The following HERC1 variants were observed in gnomAD, a reference collection of about 807,000 sequenced individuals.
HERC1 encodes HECT and RLD domain containing E3 ubiquitin protein ligase family member 1, also known as probable E3 ubiquitin-protein ligase HERC1.
A neutral mutation model predicts 554.3 loss-of-function variants in HERC1; 160 were observed. That is an observed-to-expected ratio of 0.29 (90% CI 0.25 to 0.33). The LOEUF (loss-of-function observed/expected upper bound fraction) is 0.33. Ranked by LOEUF, HERC1 falls within the 10% of genes least tolerant of loss-of-function variation. HERC1 has a pLI of 1.00. For synonymous variants in HERC1, 2,175 were observed against 2,131.7 expected, an observed-to-expected ratio of 1.02 and a Z score of -0.56; for missense variants, 4,919 against 5,918.5, an observed-to-expected ratio of 0.83 and a Z score of 5.54.
At chr15:63,796,387 CTT>C (rs779893252) in intron 1 of HERC1, among the ~76,000 whole-genome samples, 7 of 152,170 alleles carry the variant, frequency 4.6e-5, no homozygotes, top group Non-Finnish European at 8.8e-5. Flanking sequence ...TAAATTAAAA[CTT>C]AAACTCACAA....
chr15:63,617,155 C>A (rs915610139), intron 74 of HERC1, among the ~76,000 whole-genome samples: 3 of 152,160 alleles, frequency 2.0e-5, no homozygotes, highest in African/African-American at 7.2e-5. Flanking sequence ...TGCTATCCCT[C>A]CCCGCTCCCC....
chr15:63,830,459 A>T (rs935565925), intron 1 of HERC1, among the ~76,000 whole-genome samples: 1 of 152,200 alleles, frequency 6.6e-6, no homozygotes, highest in African/African-American at 2.4e-5. Flanking sequence ...ACTGTCAGAG[A>T]TTGGAGGAAA....
Position 63,658,585 on chromosome 15 carries a change from G to C in HERC1, c.9558C>G (p.Ala3186=), listed in dbSNP as rs2070178743. ...ACAGCGCTCTCATGACCATGGTTCT[G>C]GCCAGAAGAACCTGAGCAGCAGCAG... ...RVTAAAQVLL[A]RTMVMRALSL... The change falls in exon 48 of 78, where the codon GCC becomes GCG. Residue 3186 remains alanine (A), a synonymous_variant. Transcript: ENST00000443617. The C allele has an allele frequency of 1.9e-6, 3 of 1,613,688 alleles. No individual in the cohort carries two copies. Among genetic ancestry groups the C allele is most frequent in the South Asian group, 1.1e-5 (1 of 91,048 alleles).
rs1566934536 is a variant in HERC1, at chr15:63,609,105, G to A, written c.14562C>T (p.Ala4854=). 6 of 1,613,664 alleles carry A rather than the reference G, an allele frequency of 3.7e-6. No individual in the cohort carries two copies. The highest frequency in any genetic ancestry group is 2.2e-5 in the East Asian group (1 of 44,894). ...GTCAGTAGTCAGTGTCGGAGCCCTC[G>A]GCGTTGTCCACGTTTCTCGAGAGCA... is the stretch of plus-strand genomic sequence containing the variant. ...NYMLSRNVDN[A]EGSDTDY The change falls in exon 78 of 78, where the codon GCC becomes GCT. Residue 4854 remains alanine (A), a synonymous_variant. Transcript: ENST00000443617.
At chr15:63,648,282 T>C (rs552499129) in intron 54 of HERC1, 83 bp from the exon 55 acceptor site, 208 of 1,318,938 alleles carry the variant, frequency 1.6e-4, no homozygotes, top group African/African-American at 1.2e-3. Context: ...TTGAAACAAA[T>C]AATGATAATG....
chr15:63,628,872 C>A, intron 69 of HERC1, 57 bp from the exon 70 acceptor site: 3 of 1,546,242 alleles, frequency 1.9e-6, no homozygotes, highest in South Asian at 2.4e-5. Context: ...GAGAGGAAGT[C>A]AATATGAAAT....
intron 8 of HERC1, among the ~76,000 whole-genome samples, chr15:63,751,636 G>A (rs930340394): frequency 6.6e-6 from 1 of 152,008 alleles, no homozygotes; most frequent in African/African-American, 2.4e-5. Flanking sequence ...ACAGACTGAG[G>A]GAAAAGCAAA....
intron 12 of HERC1, among the ~76,000 whole-genome samples, chr15:63,736,190 T>C (rs892799841): frequency 2.6e-5 from 4 of 152,152 alleles, no homozygotes; most frequent in African/African-American, 9.7e-5. Context: ...AACACTTTGA[T>C]TTGTACTGTA....
chr15:63,754,554 A>C lies in HERC1; in HGVS notation c.1725T>G (p.Ala575=), dbSNP rs966208509. 1.9e-6 allele frequency: 3 copies of C among 1,613,540 alleles called. No homozygotes were observed. In the African/African-American group the frequency reaches 4.0e-5, roughly 22 times the overall value. ...EVSCGSSHTI[A]LSKDGRTVWS... ...ATACAGTTCTCCCATCTTTAGACAGAGCAATAGTATGTGAACTGCCACAAG... is the reference window on the plus strand; with the variant it reads ...ATACAGTTCTCCCATCTTTAGACAGCGCAATAGTATGTGAACTGCCACAAG... The change falls in exon 7 of 78, where the codon GCT becomes GCG. Residue 575 remains alanine, a synonymous_variant. Transcript: ENST00000443617.
At chr15:63,661,488 G>A (rs989939699) in intron 45 of HERC1, among the ~76,000 whole-genome samples, 2 of 152,156 alleles carry the variant, frequency 1.3e-5, no homozygotes, top group Non-Finnish European at 2.9e-5. Flanking sequence ...AGCCTCCTGA[G>A]GGTTAAGGCA....
chr15:63,745,218 C>T (rs533933881), intron 12 of HERC1, among the ~76,000 whole-genome samples: 15 of 152,148 alleles, frequency 9.9e-5, no homozygotes, highest in South Asian at 2.1e-4. Flanking sequence ...GCATTGGGGT[C>T]GGGGAGGCGG....
chr15:63,750,295 G>A (rs1169698443), intron 8 of HERC1, among the ~76,000 whole-genome samples: 1 of 152,156 alleles, frequency 6.6e-6, no homozygotes, highest in Non-Finnish European at 1.5e-5. Context: ...AGGGCCATGT[G>A]AAGCAGTAAC....
In HERC1 at chr15:63,632,780, T is replaced by A; in HGVS notation, c.12725A>T (p.Lys4242Ile). Reference sequence around the variant, plus strand: ...AAACTGAGTTCCACAAGCAACCTTTTTTATTCCAATTCCACAAAGGACGTC... The same window carrying A: ...AAACTGAGTTCCACAAGCAACCTTTATTATTCCAATTCCACAAAGGACGTC... ...KIDVLCGIGI[K>I]KVACGTQFSV... Residue 4242 changes from lysine to isoleucine, a missense_variant, in exon 68 of 78, where the codon AAA becomes ATA. Physicochemically the swap from Lys to Ile is moderately radical, Grantham distance 102. This residue lies in a region of HERC1 where 410 missense variants were observed against 467.0 expected (regional missense o/e 0.88). Coordinates refer to ENST00000443617, the MANE Select transcript of HERC1 (RefSeq NM_003922.4). The A allele has an allele frequency of 6.4e-7, 1 of 1,568,222 alleles. No individual in the cohort carries two copies. Among genetic ancestry groups the A allele is most frequent in the Non-Finnish European group, 8.7e-7 (1 of 1,154,746 alleles).
At position 63,628,791 on chromosome 15, in the gene HERC1, C is replaced by T. The variant is rs771112313; in HGVS notation, c.12991G>A (p.Val4331Ile). 1 of 1,613,924 alleles carries T rather than the reference C, an allele frequency of 6.2e-7. No homozygotes were observed. The highest frequency in any genetic ancestry group is 8.5e-7 in the Non-Finnish European group (1 of 1,179,854). Residue 4331 changes from valine to isoleucine, a missense_variant, in exon 70 of 78, where the codon GTT (valine) becomes ATT (isoleucine). Physicochemically the swap from Val to Ile is conservative, Grantham distance 29. Transcript: ENST00000443617. ...CCTGTTACCAGGGTTGGTTCTCGAA[C>T]ATGGTTGGTATGGCCTAAGCCGAGC... ...GQLGLGHTNH[V>I]REPTLVTGLQ...
At position 63,734,249 on chromosome 15, in the gene HERC1, A is replaced by G. The variant is rs1286650142; in HGVS notation, c.2646+475T>C. Among the ~76,000 whole-genome samples the G allele has an allele frequency of 1.3e-5, 2 of 152,182 alleles. No homozygotes were observed. Among genetic ancestry groups the G allele is most frequent in the Non-Finnish European group, 2.9e-5 (2 of 68,024 alleles). ...ACCAATTTTTTTTCCTCAAATCTGTATCTCTGAATCTGATAACTTCTACTT... is the reference window on the plus strand; with the variant it reads ...ACCAATTTTTTTTCCTCAAATCTGTGTCTCTGAATCTGATAACTTCTACTT... On this transcript the variant is annotated intron_variant, in intron 13 of 77. Coordinates refer to ENST00000443617, the MANE Select transcript of HERC1 (RefSeq NM_003922.4). The surrounding 1 kb of genome is among the most constrained non-coding windows in gnomAD (Gnocchi z 4.6).
chr15:63,647,231 G>A (rs139256681), intron 55 of HERC1, among the ~76,000 whole-genome samples: 213 of 151,500 alleles, frequency 1.4e-3, no homozygotes, highest in African/African-American at 4.8e-3. Context: ...TCCAGCCTGG[G>A]CGAAAAAGCT....
intron 17 of HERC1, among the ~76,000 whole-genome samples, chr15:63,726,225 G>A (rs2074035131): frequency 6.6e-6 from 1 of 152,042 alleles, no homozygotes; most frequent in Non-Finnish European, 1.5e-5. Context: ...CAGGTGATCC[G>A]GCGGCCTCAG....
chr15:63,767,955 T>C (rs578028291), intron 2 of HERC1, among the ~76,000 whole-genome samples: 6 of 152,150 alleles, frequency 3.9e-5, no homozygotes, highest in African/African-American at 7.2e-5. Flanking sequence ...CCAAGATCTT[T>C]ATAAATTTAC....
At chr15:63,645,198 TA>T in intron 56 of HERC1, 101 bp from the exon 57 acceptor site, 1 of 898,004 alleles carries the variant, frequency 1.1e-6, no homozygotes, top group Non-Finnish European at 1.8e-6. Flanking sequence ...ACCACTGCAT[TA>T]TTTTTTAAAC....
Sources: allele counts gnomAD v4.1 joint callset (sites outside exome capture counted in the v4.1 genomes callset), GRCh38; gene constraint gnomAD v4.1.1; regional missense constraint gnomAD v4.1.1; non-coding constraint Gnocchi (gnomAD v3.1); transcripts MANE v1.5; gene names NCBI Gene and HGNC (gene_info 2026-07-23, HGNC 2026-07-21).